The following PFKP variants were observed in gnomAD, a reference collection of about 807,000 sequenced individuals.
The protein encoded by PFKP is ATP-dependent 6-phosphofructokinase, platelet type.
A neutral mutation model predicts 94.3 loss-of-function variants in PFKP; 101 were observed. The ratio of observed to expected loss-of-function variants is 1.07; its 90% CI spans 0.91 to 1.26. The LOEUF (loss-of-function observed/expected upper bound fraction) is 1.26, where lower values mean the gene tolerates loss of function less well. PFKP is among the 50% of genes most tolerant of loss of function. PFKP has a pLI of 0.00. For missense variants in PFKP, 1,145 were observed against 1,103.3 expected (o/e 1.04, Z -0.53); for synonymous variants, 573 against 432.6 (o/e 1.32, Z -4.03).
rs374125721 is a variant in PFKP at position 3,109,444 on chromosome 10, C to G, written c.1053C>G (p.His351Gln). 14 of 1,607,158 alleles carry G rather than the reference C, an allele frequency of 8.7e-6. No homozygotes were observed. In the Admixed American group the frequency reaches 2.3e-4, roughly 27 times the overall value. Reference protein sequence around the residue: ...PACVVSLNGNHAVRLPLMECV... With the variant: ...PACVVSLNGNQAVRLPLMECV... Reference sequence around the variant, plus strand: ...GCGTCGTGTCACTGAACGGGAACCACGCCGTGCGCCTGCCGCTGATGGAGT... The same window carrying G: ...GCGTCGTGTCACTGAACGGGAACCAGGCCGTGCGCCTGCCGCTGATGGAGT... The change falls in exon 10 of 22, where the codon CAC becomes CAG. Residue 351 changes from histidine (H) to glutamine (Q), a missense_variant. Around this residue, in one of 3 missense-constraint regions of PFKP, gnomAD observed 1,119 missense variants for 1,062.8 expected, o/e 1.05. Transcript: ENST00000381125.
At chr10:3,079,703 T>C (rs1832897183) in intron 1 of PFKP, among the ~76,000 whole-genome samples, 1 of 136,456 alleles carries the variant, frequency 7.3e-6, no homozygotes, top group South Asian at 2.5e-4. Context: ...GGGCCGCCAT[T>C]GGGTCTTAGT....
chr10:3,107,317 T>G lies in PFKP; in HGVS notation c.870+8T>G, dbSNP rs1835735476. ...TCTGAGAAAATCAAAGAGGTGAGTG[T>G]GTGTAGCTGCTCACTTTCTCTCGGT... On this transcript the variant is annotated splice_region_variant and intron_variant, in intron 8 of 21. Transcript: ENST00000381125. 1 of 1,529,190 alleles carries G rather than the reference T, an allele frequency of 6.5e-7. No homozygotes were observed. The highest frequency in any genetic ancestry group is 1.4e-5 in the African/African-American group (1 of 73,326). 94.7% of individuals were successfully genotyped at this position (1,529,190 alleles called of 1,614,324 possible).
intron 2 of PFKP, among the ~76,000 whole-genome samples, chr10:3,083,165 A>C (rs755158221): frequency 1.3e-5 from 2 of 152,216 alleles, no homozygotes; most frequent in Non-Finnish European, 2.9e-5. Context: ...TGTAGGCTGA[A>C]TTTGAATACA....
At chr10:3,099,377 G>T (rs754204946) in intron 3 of PFKP, 25 bp downstream of exon 3, 4 of 1,578,202 alleles carry the variant, frequency 2.5e-6, no homozygotes, top group East Asian at 2.2e-5. Flanking sequence ...GCGTCCACAG[G>T]GTTCTCTGAG....
At chr10:3,074,285 G>A (rs902476911) in intron 1 of PFKP, among the ~76,000 whole-genome samples, 2 of 152,240 alleles carry the variant, frequency 1.3e-5, no homozygotes, top group African/African-American at 4.8e-5. Context: ...CCTGTAGCCT[G>A]ACCTGAGAGG....
chr10:3,079,944 A>G (rs1832918759), intron 1 of PFKP, among the ~76,000 whole-genome samples: 1 of 150,950 alleles, frequency 6.6e-6, no homozygotes, highest in Non-Finnish European at 1.5e-5. Flanking sequence ...AATAAATGGA[A>G]TCAGGTGGGA....
At chr10:3,076,017 C>CAAAAAA (rs59102828) in intron 1 of PFKP, among the ~76,000 whole-genome samples, 780 of 61,742 alleles carry the variant, frequency 0.013, 28 homozygotes, top group South Asian at 0.023. Context: ...GACTCCGTCT[C>CAAAAAA]AAAAAAAAAA....
intron 16 of PFKP, among the ~76,000 whole-genome samples, chr10:3,123,633 C>T (rs1287487624): frequency 6.6e-6 from 1 of 152,252 alleles, no homozygotes; most frequent in Non-Finnish European, 1.5e-5. Flanking sequence ...CACAGCCAGT[C>T]TTGGTCAGTC....
intron 3 of PFKP, among the ~76,000 whole-genome samples, chr10:3,099,774 C>T (rs550539190): frequency 1.7e-4 from 26 of 152,052 alleles, no homozygotes; most frequent in Admixed American, 8.5e-4. Flanking sequence ...TTCCATTCTG[C>T]GGTCGTGATT....
Position 3,113,459 on chromosome 10 carries a change from G to A in PFKP, c.1312G>A (p.Ala438Thr), listed in dbSNP as rs1168578270. The change falls in exon 13 of 22, where the codon GCC becomes ACC. Residue 438 changes from alanine to threonine, a missense_variant. Ala to Thr is a moderately conservative substitution (Grantham distance 58). This residue lies in a region of PFKP where 1,119 missense variants were observed against 1,062.8 expected (regional missense o/e 1.05). Coordinates refer to ENST00000381125, the MANE Select transcript of PFKP (RefSeq NM_002627.5). ...AVRSAVRVGI[A>T]DGHRMLAIYD... ...ACGCTCAGCTGTGCGCGTGGGCATT[G>A]CCGACGGCCACAGGATGCTCGCCAT... 6.2e-7 allele frequency: 1 copy of A among 1,613,062 alleles called. No homozygotes were observed.
chr10:3,107,615 C>T (rs1835766725), intron 8 of PFKP: 1 of 366,854 alleles, frequency 2.7e-6, no homozygotes, highest in Non-Finnish European at 3.8e-6. Context: ...GGCTCTTAAA[C>T]ATGAGCTGCT....
chr10:3,107,579 G>A (rs893467773), intron 8 of PFKP, among the ~76,000 whole-genome samples: 9 of 152,216 alleles, frequency 5.9e-5, no homozygotes, highest in African/African-American at 1.9e-4. Context: ...GAGTGGCCAC[G>A]CGTGTTCTTT....
chr10:3,122,597 G>T (rs7076698), intron 16 of PFKP, among the ~76,000 whole-genome samples: 4,892 of 152,308 alleles, frequency 0.032, 203 homozygotes, highest in Admixed American at 0.084. Flanking sequence ...ATGGCTCCGG[G>T]TCCCCCCGGC....
chr10:3,073,243 C>T (rs1832332989), intron 1 of PFKP, among the ~76,000 whole-genome samples: 1 of 151,914 alleles, frequency 6.6e-6, no homozygotes, highest in Non-Finnish European at 1.5e-5. Flanking sequence ...TTTTCCTCTG[C>T]AGAATGGAGG....
At chr10:3,095,508 T>C (rs1397380934) in intron 2 of PFKP, among the ~76,000 whole-genome samples, 1 of 152,202 alleles carries the variant, frequency 6.6e-6, no homozygotes, top group Admixed American at 6.5e-5. Flanking sequence ...AGCTCTAAGG[T>C]TCATCTTGTG....
chr10:3,115,092 C>G (rs949110348), intron 13 of PFKP, among the ~76,000 whole-genome samples: 1 of 152,144 alleles, frequency 6.6e-6, no homozygotes, highest in Non-Finnish European at 1.5e-5. Flanking sequence ...ACAGAGGAGG[C>G]AAGGATCACT....
intron 16 of PFKP, among the ~76,000 whole-genome samples, chr10:3,122,088 A>C (rs1837491150): frequency 6.6e-6 from 1 of 152,076 alleles, no homozygotes. Context: ...CTCTCAAAGC[A>C]CAGGGGTTAC....
chr10:3,127,375 T>A (rs1838073203), intron 16 of PFKP, among the ~76,000 whole-genome samples: 1 of 152,242 alleles, frequency 6.6e-6, no homozygotes, highest in South Asian at 2.1e-4. Flanking sequence ...TTGGGAGAGC[T>A]GCTTTGCCCG....
At chr10:3,124,808 C>T (rs749447786) in intron 16 of PFKP, among the ~76,000 whole-genome samples, 40 of 151,804 alleles carry the variant, frequency 2.6e-4, no homozygotes, top group African/African-American at 3.4e-4. Flanking sequence ...ACTAACTCGC[C>T]GTTGCCTGCA....
Sources: allele counts gnomAD v4.1 joint callset (sites outside exome capture counted in the v4.1 genomes callset), GRCh38; gene constraint gnomAD v4.1.1; regional missense constraint gnomAD v4.1.1; transcripts MANE v1.5; gene names NCBI Gene and HGNC (gene_info 2026-07-23, HGNC 2026-07-21).